MFN1: variants seen among roughly 807,000 people sequenced by gnomAD.
MFN1 encodes mitofusin 1.
A neutral mutation model predicts 92.4 loss-of-function variants in MFN1; 65 were observed. The ratio of observed to expected loss-of-function variants is 0.70; its 90% confidence interval spans 0.58 to 0.86. MFN1 has a LOEUF of 0.86. Among genes scored for constraint, MFN1 ranks in the 40% least tolerant of loss-of-function variants. The pLI is 0.00. For synonymous variants in MFN1, 297 were observed against 300.9 expected (o/e 0.99, Z 0.13); for missense variants, 781 against 868.0 (o/e 0.90, Z 1.26).
intron 4 of MFN1, among the ~76,000 whole-genome samples, chr3:179,362,000 T>G (rs1323956704): frequency 6.6e-6 from 1 of 152,246 alleles, no homozygotes; most frequent in East Asian, 1.9e-4. Context: ...CCTGTTTTAA[T>G]AATGACATTT....
At chr3:179,365,308 T>G (rs1041529047) in intron 7 of MFN1, 83 bp downstream of exon 7, 1 of 775,252 alleles carries the variant, frequency 1.3e-6, no homozygotes, top group Non-Finnish European at 2.0e-6. Context: ...GCTTATAGAA[T>G]AGAAAATTAT....
chr3:179,374,656 G>C (rs983150050), intron 9 of MFN1, among the ~76,000 whole-genome samples: 2 of 151,946 alleles, frequency 1.3e-5, no homozygotes, highest in African/African-American at 4.8e-5. Context: ...AACAGCTGCA[G>C]ATATTTTTTC....
intron 9 of MFN1, among the ~76,000 whole-genome samples, chr3:179,368,766 G>A (rs539106322): frequency 6.6e-6 from 1 of 152,156 alleles, no homozygotes; most frequent in Admixed American, 6.5e-5. Context: ...TGACTGAATA[G>A]TTCTTTAGAT....
intron 10 of MFN1, among the ~76,000 whole-genome samples, chr3:179,375,988 A>G (rs1041366885): frequency 6.6e-6 from 1 of 152,220 alleles, no homozygotes; most frequent in African/African-American, 2.4e-5. Flanking sequence ...TAGATGTGAC[A>G]AAAGTAATGA....
chr3:179,377,229 A>G, intron 11 of MFN1, 61 bp downstream of exon 11: 1 of 1,564,652 alleles, frequency 6.4e-7, no homozygotes, highest in Non-Finnish European at 8.7e-7. Flanking sequence ...TGATAATGCT[A>G]AAAATGTTAT....
Position 179,377,347 on chromosome 3 carries a change from T to G in MFN1, c.1228T>G (p.Ser410Ala). 1 of 1,597,462 alleles carries G rather than the reference T, an allele frequency of 6.3e-7. No individual in the cohort carries two copies. The highest frequency in any genetic ancestry group is 8.5e-7 in the Non-Finnish European group (1 of 1,174,134). The change falls in exon 12 of 18, where the codon TCA becomes GCA. Residue 410 changes from serine (S) to alanine (A), a missense_variant. Ser to Ala is a moderately conservative substitution (Grantham distance 99, BLOSUM62 1). Transcript: ENST00000471841. ...EVTEEVANKVSCAMTDEICRL... is the reference protein window; with the variant it reads ...EVTEEVANKVACAMTDEICRL... ...TCCAAAATTTTCATATTTTCAGGTT[T>G]CATGTGCAATGACAGATGAAATTTG... is the stretch of plus-strand genomic sequence containing the variant.
chr3:179,378,777 A>G lies in MFN1; in HGVS notation c.1625A>G (p.Gln542Arg). The change falls in exon 14 of 18, where the codon CAA becomes CGA. Residue 542 changes from glutamine (Q) to arginine (R), a missense_variant. By Grantham distance (43) the Gln-to-Arg change is conservative. Coordinates refer to ENST00000471841, the MANE Select transcript of MFN1 (RefSeq NM_033540.3). Reference sequence around the variant, plus strand: ...CGATTTTTGGGCCCTAGAAATGCTCAAAGGGTGCTCCTAGGATTATCAGAG... The same window carrying G: ...CGATTTTTGGGCCCTAGAAATGCTCGAAGGGTGCTCCTAGGATTATCAGAG... ...VHRFLGPRNA[Q>R]RVLLGLSEPI... The G allele has an allele frequency of 1.2e-6, 2 of 1,613,864 alleles. No homozygotes were observed. The highest frequency in any genetic ancestry group is 2.2e-5 in the South Asian group (2 of 91,078).
chr3:179,377,887 A>C (rs879317059), intron 12 of MFN1, among the ~76,000 whole-genome samples: 2 of 151,728 alleles, frequency 1.3e-5, no homozygotes, highest in Non-Finnish European at 2.9e-5. Context: ...ACATGGTGAA[A>C]CCCTGTCTAC....
At chr3:179,355,185 A>G (rs898316506) in intron 3 of MFN1, among the ~76,000 whole-genome samples, 2 of 152,166 alleles carry the variant, frequency 1.3e-5, no homozygotes, top group African/African-American at 2.4e-5. Flanking sequence ...TATAATATAT[A>G]TATTACAATG....
intron 17 of MFN1, among the ~76,000 whole-genome samples, 157 bp downstream of exon 17, chr3:179,390,295 C>T (rs543188686): frequency 5.9e-5 from 9 of 151,604 alleles, no homozygotes; most frequent in East Asian, 1.9e-4. Flanking sequence ...GCAGTTTCAC[C>T]GAAGGTTTAA....
At chr3:179,389,494 GAC>G (rs1713820047) in intron 16 of MFN1, among the ~76,000 whole-genome samples, 1 of 152,056 alleles carries the variant, frequency 6.6e-6, no homozygotes, top group East Asian at 1.9e-4. Flanking sequence ...TTAAAAGAAT[GAC>G]ACATGCTTCA....
intron 9 of MFN1, among the ~76,000 whole-genome samples, chr3:179,372,536 G>C (rs915862240): frequency 6.6e-6 from 1 of 152,090 alleles, no homozygotes; most frequent in African/African-American, 2.4e-5. Flanking sequence ...TACTTATTTG[G>C]AGTAAAATGT....
Position 179,350,302 on chromosome 3 carries a change from G to A in MFN1, c.112+1339G>A, listed in dbSNP as rs568355092. On this transcript the variant is annotated intron_variant, in intron 2 of 17. Transcript: ENST00000471841. ...TCCCAACCCTCTCTTACCATATTTT[G>A]AGCTCCTTTAGGGCAGGAGCCTGGG... 3.0e-3 allele frequency among the ~76,000 whole-genome samples: 448 copies of A among 151,192 alleles called. 5 individuals are homozygous for A. Among genetic ancestry groups the A allele is most frequent in the African/African-American group, 0.011 (440 of 41,198 alleles).
chr3:179,364,886 G>A (rs1712724672), intron 6 of MFN1, among the ~76,000 whole-genome samples: 1 of 152,134 alleles, frequency 6.6e-6, no homozygotes, highest in African/African-American at 2.4e-5. Context: ...AGACTCATCT[G>A]AAATAAACTT....
At chr3:179,356,606 G>A (rs770277254) in intron 3 of MFN1, among the ~76,000 whole-genome samples, 1 of 152,124 alleles carries the variant, frequency 6.6e-6, no homozygotes, top group East Asian at 1.9e-4. Context: ...GATTTTGATA[G>A]TAGAGGAGAA....
At chr3:179,369,641 A>G (rs1024203394) in intron 9 of MFN1, among the ~76,000 whole-genome samples, 2 of 152,302 alleles carry the variant, frequency 1.3e-5, no homozygotes, top group African/African-American at 4.8e-5. Context: ...GCTGATCATC[A>G]GAATCACATG....
chr3:179,363,472 T>C (rs1712661924), intron 5 of MFN1, among the ~76,000 whole-genome samples: 1 of 152,140 alleles, frequency 6.6e-6, no homozygotes, highest in Non-Finnish European at 1.5e-5. Flanking sequence ...CTTGAGGTGA[T>C]AGATACCTCG....
chr3:179,362,102 C>T (rs1441773645), intron 4 of MFN1, among the ~76,000 whole-genome samples: 2 of 152,132 alleles, frequency 1.3e-5, no homozygotes, highest in African/African-American at 4.8e-5. Context: ...ACAGAGACTC[C>T]AGAACTTATA....
intron 9 of MFN1, among the ~76,000 whole-genome samples, chr3:179,368,407 A>G (rs1272541211): frequency 6.6e-6 from 1 of 152,246 alleles, no homozygotes; most frequent in Non-Finnish European, 1.5e-5. Flanking sequence ...GTATTCAATA[A>G]TTTGGAACAA....
Sources: gnomAD v4.1 joint callset for allele counts (sites outside exome capture counted in the v4.1 genomes callset) on GRCh38, gnomAD v4.1.1 for gene constraint, MANE v1.5 for transcripts, NCBI Gene and HGNC (gene_info 2026-07-23, HGNC 2026-07-21) for gene names.